The following NGEF variants were observed in gnomAD, a reference collection of about 807,000 sequenced individuals.
The protein encoded by NGEF is neuronal guanine nucleotide exchange factor, also known as ephexin-1.
In NGEF, 31 loss-of-function variants were observed where a neutral mutation model predicts 80.9. The ratio of observed to expected loss-of-function variants is 0.38; its 90% CI spans 0.29 to 0.52. The LOEUF (loss-of-function observed/expected upper bound fraction) is 0.52. NGEF is among the 20% of genes least tolerant of loss of function. The pLI, the probability that NGEF is intolerant of heterozygous loss-of-function variation, is 0.84. For missense variants in NGEF, 709 were observed against 926.2 expected (o/e 0.77, Z 3.04); for synonymous variants, 371 against 370.2 (o/e 1.00, Z -0.03).
At chr2:233,002,635 C>T (rs536982974) in intron 1 of NGEF, among the ~76,000 whole-genome samples, 9 of 152,288 alleles carry the variant, frequency 5.9e-5, no homozygotes, top group Admixed American at 5.2e-4. Flanking sequence ...CACACCACTG[C>T]ACTCCAGCTT....
intron 5 of NGEF, among the ~76,000 whole-genome samples, chr2:232,917,044 G>A (rs371765873): frequency 5.3e-5 from 8 of 152,154 alleles, no homozygotes; most frequent in South Asian, 2.1e-4. Flanking sequence ...TGCATTCCTC[G>A]AACTTATTCA....
Position 232,885,631 on chromosome 2 carries a change from A to G in NGEF, c.1348-262T>C, listed in dbSNP as rs1411927340. 4 of 489,206 alleles carry G rather than the reference A, an allele frequency of 8.2e-6. No homozygotes were observed. In the East Asian group the frequency reaches 1.5e-4, roughly 18 times the overall value. 30.3% of individuals were successfully genotyped at this position (489,206 alleles called of 1,614,324 possible). A position where few individuals can be genotyped will look rare whatever the true frequency, so the allele number is the denominator to read the frequency against. The stretch of plus-strand genomic sequence containing the variant: ...TGCTAGGAAGCAAACTCCAGAAAAC[A>G]CATGCGTGAGGCATCCCTCCTCCTC... On this transcript the variant is annotated intron_variant, in intron 9 of 14. Coordinates refer to ENST00000264051, the MANE Select transcript of NGEF (RefSeq NM_019850.3).
intron 1 of NGEF, among the ~76,000 whole-genome samples, chr2:232,995,804 TAC>T (rs1694829468): frequency 1.3e-5 from 2 of 148,216 alleles, no homozygotes; most frequent in Middle Eastern, 3.6e-3. Flanking sequence ...AATATATGTA[TAC>T]ATATAATACA....
chr2:232,987,489 G>A (rs1394618444), intron 1 of NGEF, among the ~76,000 whole-genome samples: 1 of 152,146 alleles, frequency 6.6e-6, no homozygotes, highest in Non-Finnish European at 1.5e-5. Flanking sequence ...TGGCCCTCTG[G>A]GGGTGCTGTA....
chr2:233,013,204 G>C lies in NGEF; in HGVS notation c.-211C>G, dbSNP rs773334370. ...CAGGCGCTCCACTCTGTCCCAGAGA[G>C]CCCACAGCCAAAAACTTCGTCCTGT... On this transcript the variant is annotated 5_prime_UTR_variant, in exon 1 of 15. Transcript: ENST00000264051. The C allele has an allele frequency of 1.5e-5, 7 of 471,044 alleles. No individual in the cohort carries two copies. The highest frequency in any genetic ancestry group is 1.4e-4 in the African/African-American group (7 of 50,052). The allele number at this position is 471,044 out of a possible 1,614,324, so 29.2% of individuals were successfully genotyped here.
intron 3 of NGEF, among the ~76,000 whole-genome samples, chr2:232,945,528 A>G (rs2106301051): frequency 6.6e-6 from 1 of 151,854 alleles, no homozygotes; most frequent in East Asian, 1.9e-4. Flanking sequence ...CTATGTGAAG[A>G]CATTGGAAGA....
intron 10 of NGEF, among the ~76,000 whole-genome samples, chr2:232,884,382 A>G (rs1008962678): frequency 6.6e-6 from 1 of 152,158 alleles, no homozygotes; most frequent in Non-Finnish European, 1.5e-5. Context: ...TGTGCTGTGC[A>G]TGTGGACTTC....
At chr2:232,921,305 G>A (rs950090308) in intron 4 of NGEF, among the ~76,000 whole-genome samples, 10 of 152,190 alleles carry the variant, frequency 6.6e-5, no homozygotes, top group East Asian at 1.9e-4. Flanking sequence ...CCGTGGCTGG[G>A]TGGGATGGTG....
At chr2:232,961,686 C>T (rs1457220067) in intron 3 of NGEF, among the ~76,000 whole-genome samples, 8 of 151,992 alleles carry the variant, frequency 5.3e-5, no homozygotes, top group South Asian at 4.2e-4. Flanking sequence ...TTAGTAAAGA[C>T]GGGGTTTCAC....
chr2:232,990,519 G>T (rs190550159), intron 1 of NGEF, among the ~76,000 whole-genome samples: 6 of 152,118 alleles, frequency 3.9e-5, no homozygotes, highest in Non-Finnish European at 7.4e-5. Flanking sequence ...AAATGATTAT[G>T]AAATTCATCT....
At chr2:232,936,461 C>T (rs1023423793) in intron 3 of NGEF, among the ~76,000 whole-genome samples, 2 of 152,180 alleles carry the variant, frequency 1.3e-5, no homozygotes, top group African/African-American at 2.4e-5. Flanking sequence ...ACCCAGGAGC[C>T]TTGGCCCACT....
At chr2:233,012,911 G>C in intron 1 of NGEF, 157 bp downstream of exon 1, 1 of 470,906 alleles carries the variant, frequency 2.1e-6, no homozygotes, top group South Asian at 1.5e-5. Flanking sequence ...AGGATCCCTC[G>C]GGTGGAATCC....
At chr2:232,930,722 A>G (rs1169287086) in intron 3 of NGEF, among the ~76,000 whole-genome samples, 1 of 152,112 alleles carries the variant, frequency 6.6e-6, no homozygotes, top group Non-Finnish European at 1.5e-5. Context: ...CAAAGGCCCC[A>G]CCACCTAATA....
chr2:232,906,804 G>C (rs1037569293), intron 5 of NGEF, among the ~76,000 whole-genome samples: 2 of 151,836 alleles, frequency 1.3e-5, no homozygotes, highest in African/African-American at 2.4e-5. Flanking sequence ...GAAAGTAGTA[G>C]ACATGGGAGA....
At chr2:232,992,927 C>A (rs1052219200) in intron 1 of NGEF, among the ~76,000 whole-genome samples, 1 of 149,454 alleles carries the variant, frequency 6.7e-6, no homozygotes, top group African/African-American at 2.5e-5. Flanking sequence ...GCAGAGGTTG[C>A]GGTGAGCCCA....
chr2:232,888,778 C>T (rs2106224252), intron 8 of NGEF, among the ~76,000 whole-genome samples: 1 of 152,388 alleles, frequency 6.6e-6, no homozygotes, highest in South Asian at 2.1e-4. Context: ...ACTTTGTTAA[C>T]TTTGGTCTTC....
intron 1 of NGEF, among the ~76,000 whole-genome samples, chr2:233,012,340 A>G (rs1487523271): frequency 6.6e-6 from 1 of 152,154 alleles, no homozygotes; most frequent in Non-Finnish European, 1.5e-5. Context: ...TTCACATCCA[A>G]GAAAACTGTG....
chr2:232,880,152 C>T (rs575971824), intron 14 of NGEF, among the ~76,000 whole-genome samples: 36 of 152,256 alleles, frequency 2.4e-4, no homozygotes, highest in Admixed American at 1.7e-3. Context: ...CTTGCGGGGC[C>T]GATCCTCCCA....
intron 2 of NGEF, among the ~76,000 whole-genome samples, chr2:232,971,037 A>G (rs903689184): frequency 2.0e-4 from 30 of 151,512 alleles, no homozygotes; most frequent in Non-Finnish European, 1.0e-4. Context: ...ATATGAAATA[A>G]TAAGTCCAGT....
Sources: allele counts gnomAD v4.1 joint callset (sites outside exome capture counted in the v4.1 genomes callset), GRCh38; gene constraint gnomAD v4.1.1; transcripts MANE v1.5; gene names NCBI Gene and HGNC (gene_info 2026-07-23, HGNC 2026-07-21).